GBA2: variants seen among roughly 807,000 people sequenced by gnomAD.
GBA2 encodes non-lysosomal glucosylceramidase.
Under a neutral mutation model 112.9 loss-of-function variants are expected in GBA2, and 79 were observed. That is an observed-to-expected ratio of 0.70 (90% CI 0.58 to 0.84). The LOEUF is 0.84. GBA2 is among the 40% of genes least tolerant of loss of function. The probability of loss-of-function intolerance (pLI) is 0.00; values close to 1 mark genes in which losing one functional copy is unlikely to be tolerated. For synonymous variants in GBA2, 403 were observed against 434.3 expected (o/e 0.93, Z 0.90); for missense variants, 1,043 against 1,190.0 (o/e 0.88, Z 1.82).
rs1240333053 is a variant in GBA2 at position 35,740,917 on chromosome 9, G to C, written c.934C>G (p.Leu312Val). The C allele has an allele frequency of 6.2e-7, 1 of 1,614,134 alleles. No individual in the cohort carries two copies. Among genetic ancestry groups the C allele is most frequent in the East Asian group, 2.2e-5 (1 of 44,886 alleles). The change falls in exon 5 of 17, where the codon CTG becomes GTG. Residue 312 changes from leucine (L) to valine (V), a missense_variant. Leu to Val is a conservative substitution (Grantham distance 32, BLOSUM62 1). Transcript: ENST00000378103. The surrounding 1 kb of genome is among the most constrained non-coding windows in gnomAD (Gnocchi z 4.7). ...PGGLWNEPFC[L>V]ERSGETVRGL... ...CGGACAGTTTCCCCGCTACGCTCCA[G>C]ACAGAAGGGCTCATTCCACAAACCC...
At position 35,741,114 on chromosome 9, in the gene GBA2, C is replaced by A. The variant is rs1826646693; in HGVS notation, c.787-50G>T. On this transcript the variant is annotated intron_variant, in intron 4 of 16. Transcript: ENST00000378103. This position sits in a 1 kb window ranked among gnomAD's most constrained non-coding sequence, Gnocchi z 4.6. ...ACGGTCCCAGTAGAGCGCCTCCTGACCCCACTCTGCTAGGATCAGTCCTGG... is the reference window on the plus strand; with the variant it reads ...ACGGTCCCAGTAGAGCGCCTCCTGAACCCACTCTGCTAGGATCAGTCCTGG... 1.2e-6 allele frequency: 2 copies of A among 1,601,824 alleles called. No homozygotes were observed. The highest frequency in any genetic ancestry group is 1.1e-5 in the South Asian group (1 of 90,080).
Position 35,739,645 on chromosome 9 carries a change from C to T in GBA2, c.1565G>A (p.Arg522Gln), listed in dbSNP as rs748239761. ...HLRPTLRDYG[R>Q]FGYLEGQEYR... ...TCCTGTACCCTCAAGGTAGCCAAAT[C>T]GACCGTAGTCCCGTAGGGTGGGGCG... Residue 522 changes from arginine (R) to glutamine (Q), a missense_variant, in exon 9 of 17, where the codon CGA becomes CAA. By Grantham distance (43) the Arg-to-Gln change is conservative. Transcript: ENST00000378103. 7.4e-6 allele frequency: 12 copies of T among 1,613,748 alleles called. No individual in the cohort carries two copies. The highest frequency in any genetic ancestry group is 1.6e-4 in the Middle Eastern group (1 of 6,072).
chr9:35,742,111 A>G (rs1165237723), intron 3 of GBA2: 23 of 589,470 alleles, frequency 3.9e-5, no homozygotes, highest in Non-Finnish European at 3.0e-6. Context: ...CGGTGGTGTT[A>G]GCACCTCACT....
At chr9:35,742,082 T>C in intron 3 of GBA2, 192 bp from the exon 4 acceptor site, 1 of 618,858 alleles carries the variant, frequency 1.6e-6, no homozygotes, top group East Asian at 2.8e-5. Context: ...CTCCCAAGCT[T>C]TCTCTCCCTT....
At chr9:35,738,959 C>G in intron 11 of GBA2, 43 bp downstream of exon 11, 1 of 1,608,964 alleles carries the variant, frequency 6.2e-7, no homozygotes, top group Non-Finnish European at 8.5e-7. Flanking sequence ...GTAGAGGGTG[C>G]AAAAGTTGAG....
rs1425592301 is a variant in GBA2, at chr9:35,740,011, C to A, written c.1396G>T (p.Val466Leu). The A allele has an allele frequency of 1.9e-6, 3 of 1,613,970 alleles. No individual in the cohort carries two copies. Among genetic ancestry groups the A allele is most frequent in the Non-Finnish European group, 2.5e-6 (3 of 1,179,988 alleles). Residue 466 changes from valine to leucine, a missense_variant, in exon 8 of 17, where the codon GTA becomes TTA. Coordinates refer to ENST00000378103, the MANE Select transcript of GBA2 (RefSeq NM_020944.3). The surrounding 1 kb of genome is among the most constrained non-coding windows in gnomAD (Gnocchi z 4.7). ...EERISAWQSP[V>L]LDDRSLPAWY... ...CCCCACTGGCACCTGTCATCCAATA[C>A]CGGGCTCTGCCAAGCTGAGATCCTC...
At chr9:35,738,955 G>A (rs1357306783) in intron 11 of GBA2, 47 bp downstream of exon 11, 8 of 1,608,824 alleles carry the variant, frequency 5.0e-6, no homozygotes, top group Non-Finnish European at 6.8e-6. Flanking sequence ...TAGGGTAGAG[G>A]GTGCAAAAGT....
chr9:35,736,937 C>G lies in GBA2; in HGVS notation c.*232G>C, dbSNP rs1826238382. On this transcript the variant is annotated 3_prime_UTR_variant, in exon 17 of 17. Coordinates refer to ENST00000378103, the MANE Select transcript of GBA2 (RefSeq NM_020944.3). ...GAATGTACCTGGGGAAATCAACTGA[C>G]CTCCCTGAACATTTCACGCAGTCAG... 7 of 750,452 alleles carry G rather than the reference C, an allele frequency of 9.3e-6. No homozygotes were observed. The highest frequency in any genetic ancestry group is 1.5e-5 in the Non-Finnish European group (7 of 473,288). 46.5% of individuals were successfully genotyped at this position (750,452 alleles called of 1,614,324 possible). A position where few individuals can be genotyped will look rare whatever the true frequency, so the allele number is the denominator to read the frequency against.
chr9:35,747,601 G>A (rs902294398), intron 1 of GBA2, among the ~76,000 whole-genome samples: 1 of 152,176 alleles, frequency 6.6e-6, no homozygotes, highest in African/African-American at 2.4e-5. Flanking sequence ...TGTGTGTATT[G>A]TGTAGACTGA....
intron 3 of GBA2, 135 bp from the exon 4 acceptor site, chr9:35,742,025 C>T (rs1563964199): frequency 4.5e-6 from 3 of 669,048 alleles, no homozygotes; most frequent in Admixed American, 2.1e-5. Flanking sequence ...AAGTCATCCC[C>T]CAGGCTCAGT....
chr9:35,744,087 T>C (rs1826844985), intron 3 of GBA2, among the ~76,000 whole-genome samples: 1 of 152,210 alleles, frequency 6.6e-6, no homozygotes, highest in Non-Finnish European at 1.5e-5. Flanking sequence ...ATGCCAGATC[T>C]GTTTACTCTT....
intron 11 of GBA2, 48 bp downstream of exon 11, chr9:35,738,954 G>A (rs1269901140): frequency 6.2e-7 from 1 of 1,609,108 alleles, no homozygotes; most frequent in Admixed American, 1.7e-5. Context: ...ATAGGGTAGA[G>A]GGTGCAAAAG....
chr9:35,740,033 CCT>C lies in GBA2; in HGVS notation c.1372_1373del (p.Arg458AspfsTer11). ...ALCRYAEWEERISAWQSPVLD... is the reference protein window; with the variant it reads ...ALCRYAEWEEXISAWQSPVLD... ...ATACCGGGCTCTGCCAAGCTGAGATCCTCTCTTCCCACTCTGCGTATCGGCAC... is the reference window on the plus strand; with the variant it reads ...ATACCGGGCTCTGCCAAGCTGAGATCCTCTTCCCACTCTGCGTATCGGCAC... On this transcript the variant is annotated frameshift_variant, in exon 8 of 17. Transcript: ENST00000378103. LOFTEE classifies it high-confidence loss of function. This position sits in a 1 kb window ranked among gnomAD's most constrained non-coding sequence, Gnocchi z 4.7. 6.2e-7 allele frequency: 1 copy of C among 1,614,122 alleles called. No homozygotes were observed. Among genetic ancestry groups the C allele is most frequent in the Non-Finnish European group, 8.5e-7 (1 of 1,179,986 alleles).
In GBA2 at chr9:35,746,294, G is replaced by A. The variant is rs1395257839; in HGVS notation, c.360-1588C>T. On this transcript the variant is annotated intron_variant, in intron 1 of 16. Coordinates refer to ENST00000378103, the MANE Select transcript of GBA2 (RefSeq NM_020944.3). The surrounding 1 kb of genome is among the most constrained non-coding windows in gnomAD (Gnocchi z 5.2). ...GCAGAGGAGAAGAAATGTGATTAAT[G>A]AATAGGGACAGCGGCCAGGCACGGT... 1.3e-5 allele frequency among the ~76,000 whole-genome samples: 2 copies of A among 152,072 alleles called. No individual in the cohort carries two copies. The highest frequency in any genetic ancestry group is 6.5e-5 in the Admixed American group (1 of 15,268).
Position 35,737,948 on chromosome 9 carries a change from G to C in GBA2, c.2314-9C>G, listed in dbSNP as rs1471691730. 6.2e-7 allele frequency: 1 copy of C among 1,608,190 alleles called. No individual in the cohort carries two copies. Among genetic ancestry groups the C allele is most frequent in the Non-Finnish European group, 8.5e-7 (1 of 1,177,464 alleles). On this transcript the variant is annotated splice_polypyrimidine_tract_variant and intron_variant, in intron 15 of 16. Coordinates refer to ENST00000378103, the MANE Select transcript of GBA2 (RefSeq NM_020944.3). The surrounding 1 kb of genome is among the most constrained non-coding windows in gnomAD (Gnocchi z 4.1). ...TGTTGGGTAGGAAACACCTGGAGGG[G>C]CAAGGGCAGGAACATGGTCTCATAT...
Position 35,737,046 on chromosome 9 carries a change from GGA to G in GBA2, c.*121_*122del. On this transcript the variant is annotated 3_prime_UTR_variant, in exon 17 of 17. Coordinates refer to ENST00000378103, the MANE Select transcript of GBA2 (RefSeq NM_020944.3). The surrounding 1 kb of genome is among the most constrained non-coding windows in gnomAD (Gnocchi z 4.1). The stretch of plus-strand genomic sequence containing the variant: ...CCCCCATTTACTGGCACAATTGGGT[GGA>G]GAGAAGGGAAGGGGTATGATTGTCC... 6.9e-7 allele frequency: 1 copy of G among 1,442,194 alleles called. No individual in the cohort carries two copies. The highest frequency in any genetic ancestry group is 9.2e-7 in the Non-Finnish European group (1 of 1,082,314). 89.3% of individuals were successfully genotyped at this position (1,442,194 alleles called of 1,614,324 possible). A position where few individuals can be genotyped will look rare whatever the true frequency, so the allele number is the denominator to read the frequency against.
In GBA2 at chr9:35,737,707, A is replaced by G; in HGVS notation, c.2505+41T>C. ...GGTGGTTGAGGAAGTTTTCTGGGCC[A>G]GGATACAGATGGTGGAGAGATGGGA... is the stretch of plus-strand genomic sequence containing the variant. On this transcript the variant is annotated intron_variant, in intron 16 of 16. Transcript: ENST00000378103. The surrounding 1 kb of genome is among the most constrained non-coding windows in gnomAD (Gnocchi z 4.1). 3 of 1,611,158 alleles carry G rather than the reference A, an allele frequency of 1.9e-6. No individual in the cohort carries two copies. Among genetic ancestry groups the G allele is most frequent in the Non-Finnish European group, 2.5e-6 (3 of 1,177,240 alleles).
intron 3 of GBA2, 72 bp downstream of exon 3, chr9:35,744,225 C>T (rs924597930): frequency 1.2e-5 from 10 of 833,048 alleles, no homozygotes; most frequent in Middle Eastern, 2.2e-4. Flanking sequence ...CTACCTTCTA[C>T]ACTAGCCAAG....
In GBA2 at chr9:35,744,508, A is replaced by T. The variant is rs542552228; in HGVS notation, c.452-96T>A. The T allele has an allele frequency of 1.7e-5, 18 of 1,046,768 alleles. No individual in the cohort carries two copies. The African/African-American group carries it at 2.5e-4, about 15-fold the overall frequency. 64.8% of individuals were successfully genotyped at this position (1,046,768 alleles called of 1,614,324 possible). On this transcript the variant is annotated intron_variant, in intron 2 of 16. Transcript: ENST00000378103. Reference sequence around the variant, plus strand: ...TAAAGCCTGGTTCCTCTGAAAACCTAGGGGATGGAACAGTGCAATTTGCAT... The same window carrying T: ...TAAAGCCTGGTTCCTCTGAAAACCTTGGGGATGGAACAGTGCAATTTGCAT...
Sources: gnomAD v4.1 joint callset for allele counts (sites outside exome capture counted in the v4.1 genomes callset) on GRCh38, gnomAD v4.1.1 for gene constraint, Gnocchi (gnomAD v3.1) non-coding constraint, MANE v1.5 for transcripts, NCBI Gene and HGNC (gene_info 2026-07-23, HGNC 2026-07-21) for gene names.